Variants in WWOX observed in about 807,000 individuals in gnomAD.
The protein encoded by WWOX is WW domain-containing oxidoreductase.
A neutral mutation model predicts 46.2 loss-of-function variants in WWOX; 69 were observed. The ratio of observed to expected loss-of-function variants is 1.49; its 90% CI spans 1.23 to 1.82. The LOEUF (loss-of-function observed/expected upper bound fraction) is 1.82. Ranked by LOEUF, WWOX falls within the 40% of genes most tolerant of loss-of-function variation. The pLI is 0.00. For missense variants in WWOX, 919 were observed against 542.6 expected, an observed-to-expected ratio of 1.69 and a Z score of -6.89; for synonymous variants, 359 against 202.6, an observed-to-expected ratio of 1.77 and a Z score of -6.56.
chr16:78,528,902 T>C (rs1283798213), intron 8 of WWOX, among the ~76,000 whole-genome samples: 1 of 151,950 alleles, frequency 6.6e-6, no homozygotes, highest in Admixed American at 6.5e-5. Flanking sequence ...GTCAGTTGTT[T>C]AGAAAAAAAC....
chr16:78,536,074 T>C (rs2043752376), intron 8 of WWOX, among the ~76,000 whole-genome samples: 1 of 152,172 alleles, frequency 6.6e-6, no homozygotes, highest in Admixed American at 6.5e-5. Flanking sequence ...TGTTTATAAA[T>C]TGCTTGCCAT....
chr16:78,164,031 T>C (rs1393269088), intron 4 of WWOX, 152 bp from the exon 5 acceptor site: 6 of 742,830 alleles, frequency 8.1e-6, no homozygotes, highest in South Asian at 1.5e-5. Context: ...ACTGAAAATG[T>C]CTCCAGACAT....
At chr16:78,416,839 T>C (rs992124360) in intron 6 of WWOX, among the ~76,000 whole-genome samples, 1 of 152,210 alleles carries the variant, frequency 6.6e-6, no homozygotes, top group African/African-American at 2.4e-5. Flanking sequence ...GCTTTACTTC[T>C]CACAACCATG....
intron 8 of WWOX, among the ~76,000 whole-genome samples, chr16:78,518,803 C>T (rs919692378): frequency 2.0e-5 from 3 of 152,166 alleles, no homozygotes; most frequent in African/African-American, 4.8e-5. Flanking sequence ...TTTCCTTTAG[C>T]TGGGTGGTAG....
At chr16:78,560,256 T>G (rs1179515040) in intron 8 of WWOX, among the ~76,000 whole-genome samples, 1 of 152,232 alleles carries the variant, frequency 6.6e-6, no homozygotes, top group Non-Finnish European at 1.5e-5. Flanking sequence ...AATCTTTCTT[T>G]CTTGCCTTTG....
intron 8 of WWOX, among the ~76,000 whole-genome samples, chr16:79,180,983 G>C (rs951673710): frequency 1.3e-5 from 2 of 152,124 alleles, no homozygotes; most frequent in Non-Finnish European, 2.9e-5. Flanking sequence ...CATATTGTAT[G>C]TCTGATTTTT....
intron 4 of WWOX, among the ~76,000 whole-genome samples, chr16:78,153,013 C>A (rs1158812149): frequency 6.6e-6 from 1 of 152,154 alleles, no homozygotes; most frequent in African/African-American, 2.4e-5. Context: ...AAAAGCAGGG[C>A]TGGCTATGAC....
intron 8 of WWOX, among the ~76,000 whole-genome samples, chr16:78,889,431 C>T (rs774687181): frequency 5.6e-5 from 8 of 143,596 alleles, no homozygotes; most frequent in Non-Finnish European, 8.9e-5. Context: ...TGCAATGAAA[C>T]GCGAGCCGAC....
At chr16:78,377,176 T>C (rs551201734) in intron 5 of WWOX, among the ~76,000 whole-genome samples, 4 of 152,350 alleles carry the variant, frequency 2.6e-5, no homozygotes, top group Admixed American at 2.6e-4. Context: ...AGAATGTAAT[T>C]ATGCAGTAAA....
chr16:79,146,384 T>C (rs1247120206), intron 8 of WWOX, among the ~76,000 whole-genome samples: 1 of 152,158 alleles, frequency 6.6e-6, no homozygotes, highest in Non-Finnish European at 1.5e-5. Context: ...TTTTAGAGAC[T>C]TTTCCTCCAG....
At chr16:78,151,043 A>ATTT (rs10629101) in intron 4 of WWOX, among the ~76,000 whole-genome samples, 12,656 of 140,844 alleles carry the variant, frequency 0.09, 618 homozygotes, top group Admixed American at 0.11. Flanking sequence ...GTGCTCCACA[A>ATTT]TTTTTTTTTT....
intron 6 of WWOX, among the ~76,000 whole-genome samples, chr16:78,413,969 A>T (rs1378695801): frequency 6.6e-6 from 1 of 151,806 alleles, no homozygotes; most frequent in Non-Finnish European, 1.5e-5. Context: ...GCCTGAAGCA[A>T]CTGAAGAACT....
chr16:78,912,381 A>T, intron 8 of WWOX, among the ~76,000 whole-genome samples: 1 of 151,892 alleles, frequency 6.6e-6, no homozygotes, highest in South Asian at 2.1e-4. Flanking sequence ...TTTGCACATG[A>T]CAAATCTGAG....
chr16:78,954,420 TTGGA>T (rs1414621286), intron 8 of WWOX, among the ~76,000 whole-genome samples: 1 of 152,066 alleles, frequency 6.6e-6, no homozygotes, highest in Non-Finnish European at 1.5e-5. Context: ...GAATGAGTAG[TTGGA>T]TGGATGGATA....
intron 8 of WWOX, among the ~76,000 whole-genome samples, chr16:78,975,642 C>G (rs999672824): frequency 2.0e-5 from 3 of 152,034 alleles, no homozygotes; most frequent in Non-Finnish European, 4.4e-5. Context: ...AACTGTCGTC[C>G]CTCAAAACCA....
intron 8 of WWOX, among the ~76,000 whole-genome samples, chr16:79,063,817 T>C (rs1287198507): frequency 6.6e-6 from 1 of 151,788 alleles, no homozygotes; most frequent in African/African-American, 2.4e-5. Flanking sequence ...ACCTAAAGAG[T>C]TGGGAAACCT....
intron 5 of WWOX, among the ~76,000 whole-genome samples, chr16:78,202,973 C>T (rs979356504): frequency 1.4e-4 from 22 of 152,174 alleles, no homozygotes; most frequent in Admixed American, 1.4e-3. Flanking sequence ...TCAGTAGTAC[C>T]AGTTCCTGCA....
chr16:78,133,780 C>A (rs1377343096), intron 4 of WWOX, among the ~76,000 whole-genome samples: 1 of 152,218 alleles, frequency 6.6e-6, no homozygotes, highest in Non-Finnish European at 1.5e-5. Context: ...AACCTCCAGA[C>A]TGCATGTCAT....
intron 8 of WWOX, among the ~76,000 whole-genome samples, chr16:78,889,692 G>A (rs745553830): frequency 6.6e-6 from 1 of 152,154 alleles, no homozygotes; most frequent in Non-Finnish European, 1.5e-5. Context: ...AACTCTCAGT[G>A]TGGGCAGGTG....
Sources: allele counts gnomAD v4.1 joint callset (sites outside exome capture counted in the v4.1 genomes callset), GRCh38; gene constraint gnomAD v4.1.1; transcripts MANE v1.5; gene names NCBI Gene and HGNC (gene_info 2026-07-23, HGNC 2026-07-21).